The following RICTOR variants were observed in gnomAD, a reference collection of about 807,000 sequenced individuals.
RICTOR encodes rapamycin-insensitive companion of mTOR.
RICTOR carries 49 observed loss-of-function variants against 214.9 expected under a neutral mutation model. The ratio of observed to expected loss-of-function variants is 0.23; its 90% CI spans 0.18 to 0.29. RICTOR has a LOEUF of 0.29. RICTOR is among the 10% of genes least tolerant of loss of function. RICTOR has a pLI of 1.00. For missense variants in RICTOR, 1,625 were observed against 2,047.0 expected (o/e 0.79, Z 3.98); for synonymous variants, 717 against 711.3 (o/e 1.01, Z -0.13).
intron 2 of RICTOR, among the ~76,000 whole-genome samples, chr5:39,042,184 A>G (rs564953140): frequency 1.3e-5 from 2 of 152,252 alleles, no homozygotes; most frequent in African/African-American, 4.8e-5. Context: ...CCAGAATGTC[A>G]TACAACTAGA....
At chr5:38,992,329 T>A (rs909516734) in intron 6 of RICTOR, among the ~76,000 whole-genome samples, 1 of 152,148 alleles carries the variant, frequency 6.6e-6, no homozygotes, top group Non-Finnish European at 1.5e-5. Flanking sequence ...AATTCTAACA[T>A]CTTATGTCGG....
rs779631341 is a variant in RICTOR at position 38,957,672 on chromosome 5, G to A, written c.2479C>T (p.Gln827Ter). The A allele has an allele frequency of 6.3e-7, 1 of 1,578,818 alleles. No individual in the cohort carries two copies. Among genetic ancestry groups the A allele is most frequent in the African/African-American group, 1.4e-5 (1 of 73,668 alleles). Residue 827 changes from glutamine (Q) to a stop codon, truncating the protein, a stop_gained, in exon 25 of 38, where the codon CAA becomes TAA. Coordinates refer to ENST00000357387, the MANE Select transcript of RICTOR (RefSeq NM_152756.5). LOFTEE classifies it high-confidence loss of function. ...YLNERGYVAK[Q>*]LEKWHREYNS... ...GTTACCCTGTGCCACTTTTCCAATT[G>A]TTTTGCTACATAACCTCTTTCATTC... is the stretch of plus-strand genomic sequence containing the variant.
intron 2 of RICTOR, among the ~76,000 whole-genome samples, chr5:39,027,433 T>A (rs1755921603): frequency 6.6e-6 from 1 of 152,098 alleles, no homozygotes; most frequent in Non-Finnish European, 1.5e-5. Flanking sequence ...TAGATTAAAA[T>A]AATTAATCTC....
intron 19 of RICTOR, 90 bp from the exon 20 acceptor site, chr5:38,960,623 A>G: frequency 7.4e-7 from 1 of 1,343,176 alleles, no homozygotes. Context: ...TAAGGCTTTC[A>G]GAATATGTTT....
At chr5:39,007,835 T>C (rs1754197284) in intron 3 of RICTOR, among the ~76,000 whole-genome samples, 1 of 150,174 alleles carries the variant, frequency 6.7e-6, no homozygotes, top group Non-Finnish European at 1.5e-5. Flanking sequence ...ATTACTATAA[T>C]AGTTTTTAAA....
At chr5:39,066,308 C>G (rs1758901843) in intron 2 of RICTOR, among the ~76,000 whole-genome samples, 1 of 152,206 alleles carries the variant, frequency 6.6e-6, no homozygotes. Context: ...GGCTGGGATG[C>G]AGGGAGCAGT....
At chr5:38,953,781 TCTC>T (rs1749000819) in intron 27 of RICTOR, among the ~76,000 whole-genome samples, 1 of 151,968 alleles carries the variant, frequency 6.6e-6, no homozygotes, top group East Asian at 1.9e-4. Context: ...AGTTACTTCA[TCTC>T]CTCATCCTTT....
chr5:38,992,406 A>G (rs1752854965), intron 6 of RICTOR, among the ~76,000 whole-genome samples: 1 of 152,174 alleles, frequency 6.6e-6, no homozygotes, highest in Non-Finnish European at 1.5e-5. Context: ...AAATTTCTCC[A>G]AACAGCAAAA....
intron 7 of RICTOR, among the ~76,000 whole-genome samples, chr5:38,988,781 A>G (rs1227987783): frequency 3.3e-5 from 5 of 152,166 alleles, no homozygotes. Context: ...AAAGAGAATA[A>G]AACACCTAGG....
chr5:38,978,695 G>A (rs1426639639), intron 8 of RICTOR, 45 bp from the exon 9 acceptor site: 5 of 921,650 alleles, frequency 5.4e-6, no homozygotes, highest in Non-Finnish European at 8.4e-6. Flanking sequence ...ATTTTAAAAT[G>A]CATCCTTCCT....
At chr5:39,054,752 CTA>C (rs1443007558) in intron 2 of RICTOR, among the ~76,000 whole-genome samples, 6 of 152,104 alleles carry the variant, frequency 3.9e-5, no homozygotes, top group East Asian at 1.9e-4. Flanking sequence ...GCAGAATACT[CTA>C]TGTTATATAC....
chr5:38,978,006 A>G (rs749836907), intron 9 of RICTOR, among the ~76,000 whole-genome samples: 8 of 152,172 alleles, frequency 5.3e-5, no homozygotes, highest in Non-Finnish European at 1.0e-4. Flanking sequence ...AACACTAGAT[A>G]GCGTATTTAA....
At position 38,962,575 on chromosome 5, in the gene RICTOR, T is replaced by C. The variant is rs140371379; in HGVS notation, c.1578A>G (p.Glu526=). 2 of 1,521,056 alleles carry C rather than the reference T, an allele frequency of 1.3e-6. No individual in the cohort carries two copies. Among genetic ancestry groups the C allele is most frequent in the Non-Finnish European group, 1.8e-6 (2 of 1,114,488 alleles). 94.2% of individuals were successfully genotyped at this position (1,521,056 alleles called of 1,614,324 possible). A position where few individuals can be genotyped will look rare whatever the true frequency, so the allele number is the denominator to read the frequency against. ...TATCTCTAAGGTTAATTAAAAGAGC[T>C]TCCTCTGTATCCTAAAATCATCAGA... ...KDIFILKDTE[E]ALLINLRDSQ... The change falls in exon 18 of 38, where the codon GAA becomes GAG. Residue 526 remains glutamate, a synonymous_variant. Coordinates refer to ENST00000357387, the MANE Select transcript of RICTOR (RefSeq NM_152756.5).
At chr5:38,951,791 GA>G in intron 30 of RICTOR, among the ~76,000 whole-genome samples, 1 of 152,084 alleles carries the variant, frequency 6.6e-6, no homozygotes, top group East Asian at 1.9e-4. Flanking sequence ...TCTCAAAAAT[GA>G]AGATGTGAAT....
At chr5:39,072,367 T>G (rs1270554799) in intron 2 of RICTOR, among the ~76,000 whole-genome samples, 1 of 152,148 alleles carries the variant, frequency 6.6e-6, no homozygotes, top group African/African-American at 2.4e-5. Context: ...GTACCTAAGC[T>G]CTTCCACAAC....
At chr5:39,040,593 C>T (rs1466543564) in intron 2 of RICTOR, among the ~76,000 whole-genome samples, 1 of 151,900 alleles carries the variant, frequency 6.6e-6, no homozygotes, top group African/African-American at 2.4e-5. Flanking sequence ...AAATTTTAAA[C>T]AATGGTCCTT....
chr5:38,995,600 GTTAT>G (rs954057874), intron 6 of RICTOR, among the ~76,000 whole-genome samples: 37 of 151,936 alleles, frequency 2.4e-4, no homozygotes, highest in African/African-American at 8.0e-4. Context: ...TCATAAAAAT[GTTAT>G]TTATATTTGT....
At chr5:38,943,130 G>T in intron 36 of RICTOR, 159 bp from the exon 37 acceptor site, 1 of 499,190 alleles carries the variant, frequency 2.0e-6, no homozygotes, top group Non-Finnish European at 3.5e-6. Context: ...AAATATTCCT[G>T]TCACACACTT....
intron 2 of RICTOR, among the ~76,000 whole-genome samples, chr5:39,064,749 A>C (rs952692697): frequency 1.3e-5 from 2 of 152,186 alleles, no homozygotes; most frequent in African/African-American, 4.8e-5. Context: ...CCACTCCTAC[A>C]TGTATTCATT....
Sources: allele counts gnomAD v4.1 joint callset (sites outside exome capture counted in the v4.1 genomes callset), GRCh38; gene constraint gnomAD v4.1.1; transcripts MANE v1.5; gene names NCBI Gene and HGNC (gene_info 2026-07-23, HGNC 2026-07-21).